The following TUFT1 variants were observed in gnomAD, a reference collection of about 807,000 sequenced individuals.
TUFT1 encodes tuftelin 1, also known as tuftelin.
In TUFT1, 43 loss-of-function variants were observed where a neutral mutation model predicts 57.8. The ratio of observed to expected loss-of-function variants is 0.74; its 90% CI spans 0.58 to 0.96. The LOEUF is 0.96. TUFT1 is among the 40% of genes least tolerant of loss of function. The probability of loss-of-function intolerance (pLI) is 0.00; values close to 1 mark genes in which losing one functional copy is unlikely to be tolerated. For missense variants in TUFT1, 459 were observed against 489.0 expected (o/e 0.94, Z 0.58); for synonymous variants, 166 against 176.7 (o/e 0.94, Z 0.48).
chr1:151,545,109 G>A (rs1024465958), intron 1 of TUFT1, among the ~76,000 whole-genome samples: 2 of 151,694 alleles, frequency 1.3e-5, no homozygotes, highest in Non-Finnish European at 2.9e-5. Flanking sequence ...TCAGGAGTTC[G>A]AGACCAGCCT....
At chr1:151,541,123 C>T (rs995408373) in intron 1 of TUFT1, among the ~76,000 whole-genome samples, 3 of 151,952 alleles carry the variant, frequency 2.0e-5, no homozygotes, top group Non-Finnish European at 4.4e-5. Context: ...CTTCCTGGGA[C>T]GGTGTGTTAG....
chr1:151,541,144 G>A (rs888549102), intron 1 of TUFT1, among the ~76,000 whole-genome samples: 6 of 152,138 alleles, frequency 3.9e-5, no homozygotes, highest in African/African-American at 1.4e-4. Context: ...TTTTGCTTCC[G>A]TCTCCAGCCG....
rs777121367 is a variant in TUFT1 at position 151,581,011 on chromosome 1, C to T, written c.1078C>T (p.Gln360Ter). The T allele has an allele frequency of 2.5e-6, 4 of 1,614,142 alleles. No homozygotes were observed. The highest frequency in any genetic ancestry group is 1.6e-4 in the Middle Eastern group (1 of 6,062). Reference sequence around the variant, plus strand: ...AATCAGTCATGGCAACTTCAGCACCCAGGCCCGGGCCAAGACAGAGAACCC... The same window carrying T: ...AATCAGTCATGGCAACTTCAGCACCTAGGCCCGGGCCAAGACAGAGAACCC... Reference protein sequence around the residue: ...KQISHGNFSTQARAKTENPGS... With the variant: ...KQISHGNFST Residue 360 changes from glutamine (Q) to a stop codon, truncating the protein, a stop_gained, in exon 12 of 13, where the codon CAG becomes TAG. Coordinates refer to ENST00000368849, the MANE Select transcript of TUFT1 (RefSeq NM_020127.3). LOFTEE classifies it high-confidence loss of function.
intron 1 of TUFT1, among the ~76,000 whole-genome samples, chr1:151,548,994 A>G (rs1665429688): frequency 6.6e-6 from 1 of 151,938 alleles, no homozygotes; most frequent in Admixed American, 6.6e-5. Context: ...CCCCTCAGCT[A>G]TGTGTTTACC....
Position 151,569,714 on chromosome 1 carries a change from C to A in TUFT1, c.538C>A (p.Leu180Met), listed in dbSNP as rs774750609. 2 of 1,614,066 alleles carry A rather than the reference C, an allele frequency of 1.2e-6. No homozygotes were observed. Among genetic ancestry groups the A allele is most frequent in the East Asian group, 4.5e-5 (2 of 44,874 alleles). Residue 180 changes from leucine to methionine, a missense_variant, in exon 7 of 13, where the codon CTG becomes ATG. Transcript: ENST00000368849. ...ESLRKTVQDL[L>M]AKLQEAKRQH... ...CTTGAGGAAGACGGTGCAGGACTTG[C>A]TGGCCAAGCTTCAGGAGGCCAAGCG... is the stretch of plus-strand genomic sequence containing the variant.
intron 1 of TUFT1, among the ~76,000 whole-genome samples, chr1:151,558,131 T>A (rs944161516): frequency 6.6e-6 from 1 of 152,190 alleles, no homozygotes; most frequent in Non-Finnish European, 1.5e-5. Context: ...GAGAACTTTT[T>A]AAGCCATTCT....
At chr1:151,566,607 G>A (rs989600334) in intron 6 of TUFT1, among the ~76,000 whole-genome samples, 1 of 152,062 alleles carries the variant, frequency 6.6e-6, no homozygotes, top group Admixed American at 6.6e-5. Context: ...CTCTTCAGGT[G>A]ATACTAATGT....
chr1:151,541,199 G>C (rs958306874), intron 1 of TUFT1, among the ~76,000 whole-genome samples: 1 of 152,158 alleles, frequency 6.6e-6, no homozygotes, highest in Admixed American at 6.5e-5. Context: ...AACCCGGGCC[G>C]AGAAGGGGAG....
intron 5 of TUFT1, 176 bp downstream of exon 5, chr1:151,564,790 C>T (rs12037928): frequency 0.058 from 32,313 of 555,602 alleles, 1,842 homozygotes; most frequent in East Asian, 0.22. Context: ...ACTCTCCAGC[C>T]GATGAGCACT....
intron 1 of TUFT1, among the ~76,000 whole-genome samples, chr1:151,560,116 CA>C (rs1003654784): frequency 3.4e-5 from 5 of 149,132 alleles, no homozygotes; most frequent in Non-Finnish European, 7.4e-5. Flanking sequence ...TAATATTCAA[CA>C]AAAAAACCCT....
intron 9 of TUFT1, among the ~76,000 whole-genome samples, chr1:151,578,235 A>G (rs1465373252): frequency 6.6e-6 from 1 of 152,118 alleles, no homozygotes; most frequent in Non-Finnish European, 1.5e-5. Context: ...ATCCAGAATG[A>G]CTTATCCCTT....
intron 1 of TUFT1, among the ~76,000 whole-genome samples, chr1:151,553,730 T>C (rs1665583446): frequency 6.6e-6 from 1 of 152,218 alleles, no homozygotes; most frequent in Non-Finnish European, 1.5e-5. Flanking sequence ...GGTCCATGCT[T>C]CTGAATTTTC....
At chr1:151,560,033 T>G (rs906476128) in intron 1 of TUFT1, among the ~76,000 whole-genome samples, 10 of 149,218 alleles carry the variant, frequency 6.7e-5, no homozygotes, top group African/African-American at 2.5e-4. Flanking sequence ...TGACCTCAGG[T>G]GATCCTCCCA....
intron 1 of TUFT1, among the ~76,000 whole-genome samples, chr1:151,556,799 C>A (rs1284795452): frequency 1.3e-5 from 2 of 152,078 alleles, no homozygotes; most frequent in Admixed American, 1.3e-4. Context: ...GTGAAGCCCC[C>A]TCTATATTAA....
intron 5 of TUFT1, chr1:151,565,854 T>C (rs1021515991): frequency 9.3e-6 from 2 of 214,248 alleles, no homozygotes; most frequent in African/African-American, 4.6e-5. Flanking sequence ...GTTTTTTTCA[T>C]CCTCCCTACA....
chr1:151,574,547 C>T, intron 8 of TUFT1, 149 bp downstream of exon 8: 1 of 1,081,460 alleles, frequency 9.2e-7, no homozygotes, highest in East Asian at 2.6e-5. Flanking sequence ...CCTTGGAATA[C>T]ATTTTAGCCT....
chr1:151,550,829 A>G (rs560431675), intron 1 of TUFT1, among the ~76,000 whole-genome samples: 5 of 152,208 alleles, frequency 3.3e-5, no homozygotes, highest in Non-Finnish European at 5.9e-5. Flanking sequence ...TAGGAAGCTG[A>G]GATGAGAGGA....
chr1:151,555,404 G>C (rs937351178), intron 1 of TUFT1, among the ~76,000 whole-genome samples: 2 of 148,938 alleles, frequency 1.3e-5, no homozygotes, highest in African/African-American at 4.9e-5. Flanking sequence ...GATTATAAAT[G>C]CTTATTTTCT....
At chr1:151,558,101 A>G (rs985610055) in intron 1 of TUFT1, among the ~76,000 whole-genome samples, 3 of 151,966 alleles carry the variant, frequency 2.0e-5, no homozygotes, top group African/African-American at 7.2e-5. Flanking sequence ...TTTTTTAAAA[A>G]ATAATTTCCT....
Sources: allele counts gnomAD v4.1 joint callset (sites outside exome capture counted in the v4.1 genomes callset), GRCh38; gene constraint gnomAD v4.1.1; transcripts MANE v1.5; gene names NCBI Gene and HGNC (gene_info 2026-07-23, HGNC 2026-07-21).